Variants in STRN3 observed in about 807,000 individuals in gnomAD.
STRN3 encodes striatin-3.
A neutral mutation model predicts 95.6 loss-of-function variants in STRN3; 29 were observed. The ratio of observed to expected loss-of-function variants is 0.30; its 90% CI spans 0.23 to 0.41. STRN3 has a LOEUF of 0.41. STRN3 is among the 10% of genes least tolerant of loss of function. The pLI is 1.00. For synonymous variants in STRN3, 331 were observed against 357.6 expected, an observed-to-expected ratio of 0.93 and a Z score of 0.84; for missense variants, 890 against 972.1, an observed-to-expected ratio of 0.92 and a Z score of 1.12.
chr14:30,906,824 A>C (rs748284106), intron 14 of STRN3, 53 bp downstream of exon 14: 21 of 1,534,046 alleles, frequency 1.4e-5, no homozygotes, highest in Non-Finnish European at 1.8e-5. Context: ...TCCTTTATAT[A>C]TTCCAATTTT....
chr14:30,997,989 A>C (rs906373776), intron 1 of STRN3, among the ~76,000 whole-genome samples: 67 of 152,158 alleles, frequency 4.4e-4, no homozygotes, highest in African/African-American at 1.5e-3. Context: ...TCTTGGTAGG[A>C]GCTACAAATT....
intron 1 of STRN3, among the ~76,000 whole-genome samples, chr14:31,004,728 G>A (rs767478574): frequency 2.6e-5 from 4 of 152,112 alleles, no homozygotes; most frequent in South Asian, 2.1e-4. Flanking sequence ...AGCCAAGATC[G>A]CGCCATTGCA....
chr14:30,918,533 AG>A (rs1182811954), intron 9 of STRN3, among the ~76,000 whole-genome samples: 1 of 144,220 alleles, frequency 6.9e-6, no homozygotes. Flanking sequence ...AAAAAAAAAA[AG>A]GTTCCAAGCA....
chr14:30,978,492 C>T (rs1050342938), intron 1 of STRN3, among the ~76,000 whole-genome samples: 12 of 152,114 alleles, frequency 7.9e-5, no homozygotes, highest in African/African-American at 2.7e-4. Flanking sequence ...CTATGAAAAA[C>T]GTACAGCTAA....
intron 3 of STRN3, among the ~76,000 whole-genome samples, chr14:30,952,572 T>C (rs1252111884): frequency 1.3e-5 from 2 of 151,876 alleles, no homozygotes; most frequent in African/African-American, 4.8e-5. Context: ...TGGTGGCACG[T>C]GCCTGTAGTC....
chr14:30,988,542 A>G (rs1368512904), intron 1 of STRN3, among the ~76,000 whole-genome samples: 2 of 152,240 alleles, frequency 1.3e-5, no homozygotes, highest in African/African-American at 2.4e-5. Context: ...AAACAGCAAA[A>G]CTTGGTTGGA....
chr14:31,016,689 C>T (rs574283818), intron 1 of STRN3, among the ~76,000 whole-genome samples: 90 of 152,222 alleles, frequency 5.9e-4, no homozygotes, highest in African/African-American at 2.0e-3. Flanking sequence ...GGATTACAGG[C>T]ACGTGCCAGC....
At chr14:30,980,683 G>A (rs1460535047) in intron 1 of STRN3, among the ~76,000 whole-genome samples, 1 of 152,038 alleles carries the variant, frequency 6.6e-6, no homozygotes, top group East Asian at 1.9e-4. Context: ...TAACAGGCGT[G>A]ACCCACCGCA....
intron 9 of STRN3, among the ~76,000 whole-genome samples, chr14:30,915,868 G>C (rs1274152009): frequency 6.6e-6 from 1 of 152,328 alleles, no homozygotes; most frequent in African/African-American, 2.4e-5. Context: ...CATGTGAAGG[G>C]AAGTGTCTGG....
At chr14:30,927,035 G>T (rs1264627341) in intron 8 of STRN3, among the ~76,000 whole-genome samples, 2 of 152,130 alleles carry the variant, frequency 1.3e-5, no homozygotes, top group African/African-American at 4.8e-5. Context: ...CAAGCACGGT[G>T]GCTCGTGCCT....
chr14:30,954,804 A>G (rs1221650718), intron 3 of STRN3, among the ~76,000 whole-genome samples: 1 of 152,058 alleles, frequency 6.6e-6, no homozygotes, highest in East Asian at 1.9e-4. Flanking sequence ...CTGCAGGCTC[A>G]GTGTGGCTTT....
intron 5 of STRN3, among the ~76,000 whole-genome samples, chr14:30,943,875 GGGA>G (rs1398474624): frequency 6.6e-6 from 1 of 152,024 alleles, no homozygotes; most frequent in Non-Finnish European, 1.5e-5. Flanking sequence ...AGGGGCCGGA[GGGA>G]GGAGGAAATG....
intron 5 of STRN3, among the ~76,000 whole-genome samples, chr14:30,946,061 A>C (rs1205992273): frequency 1.3e-5 from 2 of 152,190 alleles, no homozygotes; most frequent in Non-Finnish European, 2.9e-5. Context: ...ACACAATGCA[A>C]AGCTTTGTTT....
chr14:31,012,975 T>C (rs1464511323), intron 1 of STRN3, among the ~76,000 whole-genome samples: 10 of 151,134 alleles, frequency 6.6e-5, no homozygotes, highest in Non-Finnish European at 1.2e-4. Flanking sequence ...AAAAGTAAAG[T>C]AGGGAGGGCA....
At chr14:30,927,730 C>T (rs1878253870) in intron 8 of STRN3, among the ~76,000 whole-genome samples, 1 of 151,590 alleles carries the variant, frequency 6.6e-6, no homozygotes, top group East Asian at 1.9e-4. Flanking sequence ...AGATTGAGAC[C>T]ATCCTGGCTA....
intron 16 of STRN3, among the ~76,000 whole-genome samples, chr14:30,896,497 G>C (rs890765343): frequency 1.4e-5 from 2 of 146,700 alleles, no homozygotes; most frequent in African/African-American, 5.0e-5. Flanking sequence ...GGGCAACATA[G>C]TGAAATGCTG....
intron 1 of STRN3, among the ~76,000 whole-genome samples, chr14:31,012,046 C>T (rs1366908442): frequency 2.6e-5 from 4 of 152,188 alleles, no homozygotes; most frequent in Non-Finnish European, 4.4e-5. Flanking sequence ...CGCGCAACTG[C>T]GCTCCAGCAT....
intron 1 of STRN3, among the ~76,000 whole-genome samples, chr14:30,962,709 AT>A (rs1453742035): frequency 2.0e-5 from 3 of 151,780 alleles, no homozygotes; most frequent in Non-Finnish European, 4.4e-5. Flanking sequence ...TAAGTTTTCT[AT>A]TTTTTTAAGA....
chr14:30,931,004 T>A (rs1171656217), intron 7 of STRN3, among the ~76,000 whole-genome samples: 1 of 152,138 alleles, frequency 6.6e-6, no homozygotes, highest in Non-Finnish European at 1.5e-5. Flanking sequence ...AAGAGCCAAA[T>A]AGTTTTCTAA....
Sources: gnomAD v4.1 joint callset for allele counts (sites outside exome capture counted in the v4.1 genomes callset) on GRCh38, gnomAD v4.1.1 for gene constraint, MANE v1.5 for transcripts, NCBI Gene and HGNC (gene_info 2026-07-23, HGNC 2026-07-21) for gene names.